Variants in SRGAP3 observed in about 807,000 individuals in gnomAD.
SRGAP3 encodes the protein SLIT-ROBO Rho GTPase activating protein 3.
A neutral mutation model predicts 121.1 loss-of-function variants in SRGAP3; 39 were observed. That is an observed-to-expected ratio of 0.32 (90% confidence interval 0.25 to 0.42). The LOEUF (loss-of-function observed/expected upper bound fraction) is 0.42, where lower values mean the gene tolerates loss of function less well. Ranked by LOEUF, SRGAP3 falls within the 10% of genes least tolerant of loss-of-function variation. SRGAP3 has a pLI of 1.00. For missense variants in SRGAP3, 1,213 were observed against 1,470.6 expected (o/e 0.82, Z 2.86); for synonymous variants, 601 against 570.0 (o/e 1.05, Z -0.77).
intron 1 of SRGAP3, among the ~76,000 whole-genome samples, chr3:9,144,903 A>C (rs979075881): frequency 1.3e-5 from 2 of 152,250 alleles, no homozygotes; most frequent in African/African-American, 4.8e-5. Context: ...GAGATAATGC[A>C]TGTAAAGTGC....
At chr3:9,065,143 C>G (rs1946368038) in intron 4 of SRGAP3, among the ~76,000 whole-genome samples, 1 of 152,186 alleles carries the variant, frequency 6.6e-6, no homozygotes, top group African/African-American at 2.4e-5. Context: ...GCAAATGGCT[C>G]TGTACCCAAA....
At chr3:9,187,392 G>A (rs538685500) in intron 1 of SRGAP3, among the ~76,000 whole-genome samples, 12 of 152,170 alleles carry the variant, frequency 7.9e-5, no homozygotes, top group African/African-American at 1.4e-4. Context: ...AGGGCAAGTC[G>A]GGGAGAACTG....
intron 3 of SRGAP3, among the ~76,000 whole-genome samples, chr3:9,258,590 T>C (rs1192959647): frequency 6.6e-6 from 1 of 151,982 alleles, no homozygotes; most frequent in Non-Finnish European, 1.5e-5. Context: ...CAAAGATGGG[T>C]TAGACAAGAT....
intron 1 of SRGAP3, among the ~76,000 whole-genome samples, chr3:9,208,149 A>G (rs903388264): frequency 6.6e-6 from 1 of 152,122 alleles, no homozygotes; most frequent in Non-Finnish European, 1.5e-5. Flanking sequence ...CTGAGGAAGC[A>G]GTGAATGAGC....
intron 3 of SRGAP3, among the ~76,000 whole-genome samples, chr3:9,291,593 GCAT>G: frequency 7.1e-6 from 1 of 141,308 alleles, no homozygotes; most frequent in Non-Finnish European, 1.5e-5. Context: ...ATCCATTCAT[GCAT>G]CAACACCACA....
intron 1 of SRGAP3, among the ~76,000 whole-genome samples, chr3:9,149,964 A>G (rs1294327922): frequency 1.3e-5 from 2 of 152,110 alleles, no homozygotes; most frequent in African/African-American, 4.8e-5. Context: ...CGACGTGTCC[A>G]ATACCGTGCA....
chr3:9,043,236 C>T (rs1298766541), intron 10 of SRGAP3, among the ~76,000 whole-genome samples: 2 of 152,218 alleles, frequency 1.3e-5, no homozygotes, highest in Non-Finnish European at 2.9e-5. Flanking sequence ...TCACTGCAGC[C>T]TCCACTGCCT....
chr3:9,039,898 T>C (rs1944938577), intron 10 of SRGAP3, among the ~76,000 whole-genome samples: 1 of 152,234 alleles, frequency 6.6e-6, no homozygotes, highest in South Asian at 2.1e-4. Flanking sequence ...TGCCTTCTTT[T>C]ATCTCAAACC....
At chr3:9,175,632 C>T (rs1405917457) in intron 1 of SRGAP3, among the ~76,000 whole-genome samples, 2 of 152,274 alleles carry the variant, frequency 1.3e-5, no homozygotes, top group Middle Eastern at 3.4e-3. Context: ...AGCTTTGTGC[C>T]GCATTCCTGG....
intron 1 of SRGAP3, among the ~76,000 whole-genome samples, chr3:9,224,611 CAG>C (rs1265293509): frequency 1.3e-5 from 2 of 152,168 alleles, no homozygotes; most frequent in African/African-American, 4.8e-5. Context: ...AGTCCTTAAA[CAG>C]AGAGATAAGG....
intron 21 of SRGAP3, 149 bp from the exon 22 acceptor site, chr3:8,986,081 C>T: frequency 6.7e-7 from 1 of 1,481,702 alleles, no homozygotes. Context: ...CTTATAACCA[C>T]ATGGGAGAAC....
At chr3:9,223,679 C>A (rs1221904501) in intron 1 of SRGAP3, among the ~76,000 whole-genome samples, 1 of 152,188 alleles carries the variant, frequency 6.6e-6, no homozygotes, top group Non-Finnish European at 1.5e-5. Flanking sequence ...ATCACCCCTT[C>A]ATCCCAGCCA....
chr3:9,044,966 G>A (rs1945189440), intron 10 of SRGAP3, among the ~76,000 whole-genome samples: 1 of 151,988 alleles, frequency 6.6e-6, no homozygotes, highest in African/African-American at 2.4e-5. Flanking sequence ...AAAATGACTG[G>A]AGATTTGGTC....
At chr3:9,294,782 C>T (rs1229528967) in intron 3 of SRGAP3, among the ~76,000 whole-genome samples, 2 of 150,504 alleles carry the variant, frequency 1.3e-5, no homozygotes, top group Non-Finnish European at 3.0e-5. Context: ...AACAGCTCCC[C>T]CCACCTGTGA....
rs146294567 is a variant in SRGAP3 at position 9,278,264 on chromosome 3, T to C, written n.442+47746A>G. Among the ~76,000 whole-genome samples, 184 of 152,222 alleles carry C rather than the reference T, an allele frequency of 1.2e-3. 1 individual carries two copies. The highest frequency in any genetic ancestry group is 4.1e-3 in the African/African-American group (171 of 41,542). On this transcript the variant is annotated intron_variant and non_coding_transcript_variant, in intron 3 of 3. Transcript: ENST00000490889. ...GTGTCAGGCCTCCTCCAAAAGCAAC[T>C]ACCTCCAAGATATGCACGGGTCAAG...
chr3:9,059,847 T>C (rs2125189566), intron 6 of SRGAP3: 1 of 314,736 alleles, frequency 3.2e-6, no homozygotes, highest in South Asian at 3.0e-5. Flanking sequence ...GCCAAACATT[T>C]TACTAATAAC....
intron 1 of SRGAP3, among the ~76,000 whole-genome samples, chr3:9,235,190 T>G (rs555434896): frequency 2.6e-5 from 4 of 152,196 alleles, no homozygotes; most frequent in Non-Finnish European, 4.4e-5. Context: ...AAACTGTTTA[T>G]TTTTAGGCCA....
intron 1 of SRGAP3, among the ~76,000 whole-genome samples, chr3:9,137,794 T>C (rs1382466610): frequency 6.6e-5 from 10 of 152,156 alleles, no homozygotes; most frequent in African/African-American, 2.2e-4. Flanking sequence ...GTCCAAATAA[T>C]AGCCATTCCT....
At chr3:9,018,082 C>T (rs746780206) in intron 14 of SRGAP3, among the ~76,000 whole-genome samples, 11 of 152,208 alleles carry the variant, frequency 7.2e-5, no homozygotes, top group Non-Finnish European at 1.6e-4. Flanking sequence ...CTAGTTCCCA[C>T]ACAGGAGTGA....
Sources: allele counts gnomAD v4.1 joint callset (sites outside exome capture counted in the v4.1 genomes callset), GRCh38; gene constraint gnomAD v4.1.1; transcripts MANE v1.5; gene names NCBI Gene and HGNC (gene_info 2026-07-23, HGNC 2026-07-21).